Variants in USP4 observed in about 807,000 individuals in gnomAD.
The protein encoded by USP4 is ubiquitin carboxyl-terminal hydrolase 4.
USP4 carries 72 observed loss-of-function variants against 118.2 expected under a neutral mutation model. The ratio of observed to expected loss-of-function variants is 0.61; its 90% CI spans 0.50 to 0.74. The LOEUF (loss-of-function observed/expected upper bound fraction) is 0.74. Among genes scored for constraint, USP4 ranks in the 30% least tolerant of loss-of-function variants. The pLI is 0.00. For synonymous variants in USP4, 415 were observed against 440.4 expected, an observed-to-expected ratio of 0.94 and a Z score of 0.72; for missense variants, 1,037 against 1,185.7, an observed-to-expected ratio of 0.87 and a Z score of 1.84.
In USP4 at chr3:49,298,552, A is replaced by G. The variant is rs1478161340; in HGVS notation, c.1596T>C (p.Asn532=). ...AGTGCCACTGATCACCCCGCCTTAC[A>G]TTTTCTGCAGCAATGCCAGACAGCC... ...LSRLSGIAAE[N]MVVADVYNHR... Residue 532 remains asparagine (N), a splice_region_variant and synonymous_variant, in exon 12 of 22, where the codon AAT becomes AAC. Coordinates refer to ENST00000265560, the MANE Select transcript of USP4 (RefSeq NM_003363.4). 2.5e-6 allele frequency: 4 copies of G among 1,613,968 alleles called. No individual in the cohort carries two copies. Among genetic ancestry groups the G allele is most frequent in the Non-Finnish European group, 3.4e-6 (4 of 1,179,990 alleles).
intron 19 of USP4, among the ~76,000 whole-genome samples, chr3:49,281,324 T>C (rs888438776): frequency 4.0e-5 from 6 of 151,234 alleles, no homozygotes; most frequent in Middle Eastern, 3.4e-3. Flanking sequence ...GGCGTGGTGG[T>C]GGGCGCCTGT....
intron 9 of USP4, among the ~76,000 whole-genome samples, chr3:49,304,348 C>T (rs1432389995): frequency 1.3e-5 from 2 of 152,060 alleles, no homozygotes; most frequent in Non-Finnish European, 2.9e-5. Context: ...GGGAGCAAAG[C>T]ACCTCCACCT....
chr3:49,330,356 C>CT (rs2047603097), intron 2 of USP4, among the ~76,000 whole-genome samples: 1 of 151,182 alleles, frequency 6.6e-6, no homozygotes, highest in Non-Finnish European at 1.5e-5. Context: ...TTGAGACAGT[C>CT]TCGCTGTGTC....
intron 8 of USP4, 142 bp downstream of exon 8, chr3:49,310,478 A>G: frequency 1.4e-6 from 1 of 720,774 alleles, no homozygotes; most frequent in Non-Finnish European, 2.5e-6. Flanking sequence ...ACCTAGTGGG[A>G]GATGCCCTAG....
At chr3:49,281,582 C>A (rs987806537) in intron 19 of USP4, among the ~76,000 whole-genome samples, 1 of 151,360 alleles carries the variant, frequency 6.6e-6, no homozygotes, top group African/African-American at 2.4e-5. Flanking sequence ...GGCATGGTGG[C>A]ACACACCTGT....
chr3:49,332,647 G>A (rs1259798265), intron 2 of USP4, among the ~76,000 whole-genome samples: 2 of 152,018 alleles, frequency 1.3e-5, no homozygotes, highest in African/African-American at 4.8e-5. Flanking sequence ...TCAGGAGTTT[G>A]AGACCAGCCT....
At chr3:49,339,391 C>A (rs1370066215) in intron 1 of USP4, among the ~76,000 whole-genome samples, 1 of 152,214 alleles carries the variant, frequency 6.6e-6, no homozygotes, top group African/African-American at 2.4e-5. Flanking sequence ...CTCCAAGACA[C>A]TGCTGCCGCA....
chr3:49,302,668 T>C (rs2047273820), intron 9 of USP4, 126 bp from the exon 10 acceptor site: 2 of 891,584 alleles, frequency 2.2e-6, no homozygotes, highest in East Asian at 5.3e-5. Context: ...CTTGGTTGAG[T>C]AGTCCAATTA....
intron 8 of USP4, among the ~76,000 whole-genome samples, chr3:49,306,770 G>C (rs557840340): frequency 6.6e-6 from 1 of 151,898 alleles, no homozygotes; most frequent in African/African-American, 2.4e-5. Flanking sequence ...CTCACCACAA[G>C]AGGAAAATAA....
intron 19 of USP4, among the ~76,000 whole-genome samples, chr3:49,281,272 C>T (rs1256008445): frequency 2.6e-5 from 4 of 151,342 alleles, no homozygotes; most frequent in East Asian, 2.0e-4. Flanking sequence ...CTGGCTAACA[C>T]GGTGAAACCC....
intron 2 of USP4, among the ~76,000 whole-genome samples, chr3:49,331,094 G>A (rs936975051): frequency 3.9e-5 from 6 of 151,964 alleles, no homozygotes; most frequent in African/African-American, 1.5e-4. Flanking sequence ...GGCCGTGGTG[G>A]GCAGTTACCT....
chr3:49,277,979 T>A lies in USP4; in HGVS notation c.*314A>T. ...TCCAGGCTGCTCCATACTCAGCGCC[T>A]GTGTTCCTCTCCATTCTTCGGGATC... On this transcript the variant is annotated 3_prime_UTR_variant, in exon 22 of 22. Transcript: ENST00000265560. 2 of 434,776 alleles carry A rather than the reference T, an allele frequency of 4.6e-6. No homozygotes were observed. Among genetic ancestry groups the A allele is most frequent in the East Asian group, 3.5e-5 (1 of 28,576 alleles). The allele number at this position is 434,776 out of a possible 1,614,324, so 26.9% of individuals were successfully genotyped here. A position where few individuals can be genotyped will look rare whatever the true frequency, so the allele number is the denominator to read the frequency against.
At chr3:49,327,963 T>C (rs2047574471) in intron 2 of USP4, 147 bp from the exon 3 acceptor site, 3 of 672,958 alleles carry the variant, frequency 4.5e-6, no homozygotes, top group Non-Finnish European at 7.3e-6. Flanking sequence ...CTGGTCATTA[T>C]ACAGAGCAGA....
chr3:49,317,194 A>C (rs769635529), intron 6 of USP4: 2 of 1,488,300 alleles, frequency 1.3e-6, no homozygotes, highest in Admixed American at 3.4e-5. Context: ...CAGCATCTTG[A>C]GGTAGGTGGC....
chr3:49,326,214 G>C (rs1317277318), intron 3 of USP4, among the ~76,000 whole-genome samples: 1 of 152,008 alleles, frequency 6.6e-6, no homozygotes, highest in Non-Finnish European at 1.5e-5. Context: ...CTACTCAGGA[G>C]GCTGAGACAG....
At chr3:49,317,509 C>CT in intron 6 of USP4, 1 of 627,010 alleles carries the variant, frequency 1.6e-6, no homozygotes, top group Non-Finnish European at 2.8e-6. Flanking sequence ...GAGTTTCACT[C>CT]TTTTTTTGTT....
Position 49,277,160 on chromosome 3 carries a change from G to A in USP4, c.*1133C>T, listed in dbSNP as rs1361155715. On this transcript the variant is annotated 3_prime_UTR_variant, in exon 22 of 22. Coordinates refer to ENST00000265560, the MANE Select transcript of USP4 (RefSeq NM_003363.4). ...CCTACCGGCACCCCCCCTTTGGCGA[G>A]TCGGCAGCCACGTCCTTGTCCTCAC... is the stretch of plus-strand genomic sequence containing the variant. The A allele has an allele frequency of 7.1e-7, 1 of 1,415,458 alleles. No individual in the cohort carries two copies. The highest frequency in any genetic ancestry group is 9.3e-7 in the Non-Finnish European group (1 of 1,069,808). 87.7% of individuals were successfully genotyped at this position (1,415,458 alleles called of 1,614,324 possible). A position where few individuals can be genotyped will look rare whatever the true frequency, so the allele number is the denominator to read the frequency against.
chr3:49,288,848 G>A (rs1366211234), intron 15 of USP4, among the ~76,000 whole-genome samples: 2 of 152,134 alleles, frequency 1.3e-5, no homozygotes, highest in African/African-American at 4.8e-5. Flanking sequence ...AATGGCTCAC[G>A]CCTATGATCC....
chr3:49,329,575 A>AT (rs1240114326), intron 2 of USP4, among the ~76,000 whole-genome samples: 2 of 151,964 alleles, frequency 1.3e-5, no homozygotes. Context: ...TAATTTTCGT[A>AT]TTTTTTATAG....
Sources: allele counts gnomAD v4.1 joint callset (sites outside exome capture counted in the v4.1 genomes callset), GRCh38; gene constraint gnomAD v4.1.1; transcripts MANE v1.5; gene names NCBI Gene and HGNC (gene_info 2026-07-23, HGNC 2026-07-21).